Variants in CAGE1 observed in about 807,000 individuals in gnomAD.
CAGE1 encodes the protein cancer antigen 1, also known as cancer-associated gene 1 protein.
CAGE1 carries 66 observed loss-of-function variants against 94.9 expected under a neutral mutation model. The ratio of observed to expected loss-of-function variants is 0.70; its 90% CI spans 0.57 to 0.85. The LOEUF is 0.85. Among genes scored for constraint, CAGE1 ranks in the 40% least tolerant of loss-of-function variants. The probability of loss-of-function intolerance (pLI) is 0.00; values close to 1 mark genes in which losing one functional copy is unlikely to be tolerated. For synonymous variants in CAGE1, 319 were observed against 321.0 expected (o/e 0.99, Z 0.07); for missense variants, 865 against 950.4 (o/e 0.91, Z 1.18).
chr6:7,369,422 T>G (rs1760466851), intron 6 of CAGE1, among the ~76,000 whole-genome samples: 1 of 152,214 alleles, frequency 6.6e-6, no homozygotes, highest in Non-Finnish European at 1.5e-5. Flanking sequence ...TTAGGTTACT[T>G]GGTCAAGTTA....
Position 7,336,596 on chromosome 6 carries a change from G to A in CAGE1, c.2370-2506C>T, listed in dbSNP as rs770824076. 4.5e-4 allele frequency among the ~76,000 whole-genome samples: 68 copies of A among 152,206 alleles called. 1 individual carries two copies. Among genetic ancestry groups the A allele is most frequent in the Admixed American group, 1.4e-3 (22 of 15,282 alleles). On this transcript the variant is annotated intron_variant, in intron 11 of 13. Transcript: ENST00000502583. ...ACAATCTCAGCTCACTGCAACCTCC[G>A]CCTCCCTGGTTCAAGTGATTCTCAT...
At chr6:7,375,261 T>C (rs979260394) in intron 4 of CAGE1, among the ~76,000 whole-genome samples, 34 of 151,356 alleles carry the variant, frequency 2.2e-4, no homozygotes, top group African/African-American at 5.8e-4. Context: ...ATACAAAAAT[T>C]AGCTGCGCGT....
At chr6:7,346,301 T>C (rs922002583) in intron 11 of CAGE1, among the ~76,000 whole-genome samples, 3 of 152,234 alleles carry the variant, frequency 2.0e-5, no homozygotes, top group Non-Finnish European at 4.4e-5. Context: ...ACGCCTGTAA[T>C]CCCAGCACTT....
At chr6:7,329,203 G>A (rs1758652525) in intron 13 of CAGE1, 1 of 404,940 alleles carries the variant, frequency 2.5e-6, no homozygotes, top group Non-Finnish European at 4.4e-6. Flanking sequence ...AAAGTGCTGG[G>A]ATTACAGGCG....
At chr6:7,382,934 T>C (rs950074347) in intron 3 of CAGE1, among the ~76,000 whole-genome samples, 1 of 152,074 alleles carries the variant, frequency 6.6e-6, no homozygotes, top group Admixed American at 6.6e-5. Flanking sequence ...AAAGAAATCT[T>C]TTCTGTTGTC....
chr6:7,385,897 T>A, intron 2 of CAGE1, 25 bp from the exon 3 acceptor site: 1 of 1,253,988 alleles, frequency 8.0e-7, no homozygotes, highest in Non-Finnish European at 1.1e-6. Flanking sequence ...AAGGCATCAA[T>A]ACTTCAAGCA....
intron 11 of CAGE1, among the ~76,000 whole-genome samples, chr6:7,351,442 A>G (rs1468039834): frequency 1.3e-5 from 2 of 152,134 alleles, no homozygotes; most frequent in Admixed American, 1.3e-4. Flanking sequence ...TCCATAATTC[A>G]TTCTATGAAG....
chr6:7,387,019 A>G lies in CAGE1; in HGVS notation c.155T>C (p.Ile52Thr). 6.4e-7 allele frequency: 1 copy of G among 1,552,060 alleles called. No individual in the cohort carries two copies. The highest frequency in any genetic ancestry group is 1.2e-5 in the South Asian group (1 of 84,056). The change falls in exon 2 of 14, where the codon ATC becomes ACC. Residue 52 changes from isoleucine to threonine, a missense_variant. Physicochemically the swap from Ile to Thr is moderately conservative, Grantham distance 89. Coordinates refer to ENST00000502583, the MANE Select transcript of CAGE1 (RefSeq NM_001170692.2). ...SQGVMLSHSP[I>T]CMETTGTTCD... ...AGTGGTGCCGGTGGTTTCCATACAGATTGGAGAATGTGAAAGCATTACACC... is the reference window on the plus strand; with the variant it reads ...AGTGGTGCCGGTGGTTTCCATACAGGTTGGAGAATGTGAAAGCATTACACC...
Position 7,389,569 on chromosome 6 carries a change from C to A in CAGE1, c.-391G>T, listed in dbSNP as rs535424641. 3.0e-6 allele frequency: 1 copy of A among 332,142 alleles called. No individual in the cohort carries two copies. The highest frequency in any genetic ancestry group is 6.0e-6 in the Non-Finnish European group (1 of 165,886). 20.6% of individuals were successfully genotyped at this position (332,142 alleles called of 1,614,324 possible). On this transcript the variant is annotated 5_prime_UTR_variant, in exon 1 of 14. Transcript: ENST00000502583. ...GGAAGGTACGACCCCCTAGGCCGAA[C>A]AGCCTGTGGGCTAGCTGGCGCCTCC...
At chr6:7,335,145 T>G (rs1699483163) in intron 11 of CAGE1, among the ~76,000 whole-genome samples, 1 of 152,198 alleles carries the variant, frequency 6.6e-6, no homozygotes, top group Non-Finnish European at 1.5e-5. Flanking sequence ...TCTTCTGTCA[T>G]CAAATCTCTC....
chr6:7,335,430 G>A (rs931459700), intron 11 of CAGE1, among the ~76,000 whole-genome samples: 1 of 152,206 alleles, frequency 6.6e-6, no homozygotes, highest in Non-Finnish European at 1.5e-5. Context: ...TATGTGAAAT[G>A]AGCGAAGCCA....
intron 11 of CAGE1, among the ~76,000 whole-genome samples, chr6:7,346,010 A>G (rs1759510698): frequency 6.6e-6 from 1 of 152,244 alleles, no homozygotes; most frequent in African/African-American, 2.4e-5. Flanking sequence ...GAATCAATAG[A>G]CTAGCACCAA....
rs1215293922 is a variant in CAGE1, at chr6:7,373,157, A to G, written c.1662T>C (p.Ser554=). Residue 554 remains serine (S), a synonymous_variant, in exon 5 of 14, where the codon AGT becomes AGC. Coordinates refer to ENST00000502583, the MANE Select transcript of CAGE1 (RefSeq NM_001170692.2). ...ATTTAGGGACATAATTTTGCTCTTCACTCCTTGCAACCTGCTGTTTAAGTT... is the reference window on the plus strand; with the variant it reads ...ATTTAGGGACATAATTTTGCTCTTCGCTCCTTGCAACCTGCTGTTTAAGTT... ...NAKLKQQVAR[S]EEQNYVPKFE... 2 of 1,613,316 alleles carry G rather than the reference A, an allele frequency of 1.2e-6. No homozygotes were observed. The highest frequency in any genetic ancestry group is 1.7e-5 in the Admixed American group (1 of 59,950).
chr6:7,389,554 AC>A lies in CAGE1; in HGVS notation c.-377del. ...AGAGTGGTGAAGTTAGGAAGGTACG[AC>A]CCCCTAGGCCGAACAGCCTGTGGGC... On this transcript the variant is annotated 5_prime_UTR_variant, in exon 1 of 14. Coordinates refer to ENST00000502583, the MANE Select transcript of CAGE1 (RefSeq NM_001170692.2). 8.9e-6 allele frequency: 3 copies of A among 336,062 alleles called. No individual in the cohort carries two copies. The highest frequency in any genetic ancestry group is 1.8e-5 in the Non-Finnish European group (3 of 167,806). The allele number at this position is 336,062 out of a possible 1,614,324, so 20.8% of individuals were successfully genotyped here.
At chr6:7,347,514 GTTGGGGGGGGC>G (rs1473842099) in intron 11 of CAGE1, 30 of 82,524 alleles carry the variant, frequency 3.6e-4, no homozygotes, top group African/African-American at 1.1e-4. Flanking sequence ...GGGGGGGGGG[GTTGGGGGGGGC>G]GGTGGGGGAA....
At chr6:7,358,027 GATATAT>G (rs55850429) in intron 9 of CAGE1, among the ~76,000 whole-genome samples, 3,250 of 47,614 alleles carry the variant, frequency 0.068, 131 homozygotes, top group Non-Finnish European at 0.1. Flanking sequence ...TAAGTTTTGA[GATATAT>G]ATATATATAT....
chr6:7,370,603 A>AT (rs1476719931), intron 5 of CAGE1, among the ~76,000 whole-genome samples: 1 of 149,940 alleles, frequency 6.7e-6, no homozygotes, highest in Non-Finnish European at 1.5e-5. Context: ...ACCAATAACA[A>AT]TTTTTTAAAA....
chr6:7,347,916 C>A (rs1759622729), intron 11 of CAGE1, among the ~76,000 whole-genome samples: 1 of 152,066 alleles, frequency 6.6e-6, no homozygotes, highest in Admixed American at 6.5e-5. Flanking sequence ...TGCAGCAAGA[C>A]CTGCCCAAGG....
intron 1 of CAGE1, among the ~76,000 whole-genome samples, chr6:7,388,667 T>C (rs1007570636): frequency 2.6e-5 from 4 of 152,366 alleles, no homozygotes; most frequent in South Asian, 4.1e-4. Flanking sequence ...GATTCTTTTA[T>C]TGAATTTCTG....
Sources: gnomAD v4.1 joint callset for allele counts (sites outside exome capture counted in the v4.1 genomes callset) on GRCh38, gnomAD v4.1.1 for gene constraint, MANE v1.5 for transcripts, NCBI Gene and HGNC (gene_info 2026-07-23, HGNC 2026-07-21) for gene names.